The following CCDC122 variants were observed in gnomAD, a reference collection of about 807,000 sequenced individuals.
CCDC122 encodes coiled-coil domain-containing protein 122.
A neutral mutation model predicts 37.0 loss-of-function variants in CCDC122; 38 were observed. That is an observed-to-expected ratio of 1.03 (90% CI 0.79 to 1.35). The LOEUF (loss-of-function observed/expected upper bound fraction) is 1.35. Among genes scored for constraint, CCDC122 ranks in the 40% most tolerant of loss-of-function variants. The probability of loss-of-function intolerance (pLI) is 0.00; values close to 1 mark genes in which losing one functional copy is unlikely to be tolerated. For missense variants in CCDC122, 305 were observed against 310.0 expected (o/e 0.98, Z 0.12); for synonymous variants, 83 against 95.6 (o/e 0.87, Z 0.77).
At chr13:43,833,307 C>A (rs2086286559), downstream of CCDC122, among the ~76,000 whole-genome samples, 2 of 152,054 alleles carry the variant, frequency 1.3e-5, no homozygotes, top group African/African-American at 4.8e-5. Context: ...CCTAGCAGGC[C>A]CGGATCAGGA....
intron 3 of CCDC122, among the ~76,000 whole-genome samples, chr13:43,824,575 G>A (rs992330173): frequency 6.6e-6 from 1 of 152,098 alleles, no homozygotes; most frequent in African/African-American, 2.4e-5. Context: ...TTAAACTAAA[G>A]ACCTTCTGCA....
chr13:43,877,290 G>A (rs1267525563), intron 1 of CCDC122, among the ~76,000 whole-genome samples: 2 of 152,182 alleles, frequency 1.3e-5, no homozygotes, highest in East Asian at 1.9e-4. Flanking sequence ...AAAAGGTCTT[G>A]GATCTTCTCA....
Position 43,860,032 on chromosome 13 carries a change from G to A in CCDC122, c.195C>T (p.Ile65=). The change falls in exon 5 of 7, where the codon ATC becomes ATT. Residue 65 remains isoleucine, a synonymous_variant. Transcript: ENST00000444614. The part of the protein sequence containing the change: ...LHELEKEIAA[I]SAETKETERQ... The stretch of plus-strand genomic sequence containing the variant: ...TTTCTGTTTCTTTAGTTTCTGCAGA[G>A]ATAGCTGCTATTTCTTTTTCAAGCT... The A allele has an allele frequency of 6.5e-7, 1 of 1,547,932 alleles. No individual in the cohort carries two copies. Among genetic ancestry groups the A allele is most frequent in the South Asian group, 1.3e-5 (1 of 79,594 alleles).
chr13:43,822,667 C>T (rs1158275540), downstream of CCDC122, among the ~76,000 whole-genome samples: 1 of 152,174 alleles, frequency 6.6e-6, no homozygotes, highest in Non-Finnish European at 1.5e-5. Flanking sequence ...AAAGCCTTTC[C>T]CACTCTTCTC....
downstream of CCDC122, among the ~76,000 whole-genome samples, chr13:43,835,537 T>C (rs997996023): frequency 6.6e-6 from 1 of 152,188 alleles, no homozygotes; most frequent in African/African-American, 2.4e-5. Context: ...AATAGGTATA[T>C]GTATTAAGGA....
At chr13:43,868,638 G>T in intron 4 of CCDC122, 56 bp downstream of exon 4, 2 of 856,508 alleles carry the variant, frequency 2.3e-6, no homozygotes, top group Non-Finnish European at 3.5e-6. Flanking sequence ...ATAATCTCCT[G>T]GTCATTTACT....
downstream of CCDC122, among the ~76,000 whole-genome samples, chr13:43,836,155 T>G (rs189629794): frequency 5.1e-4 from 78 of 152,370 alleles, no homozygotes; most frequent in Middle Eastern, 3.4e-3. Context: ...TATCTTCCTA[T>G]TTGTTTTTGT....
At chr13:43,826,665 T>C (rs1953044086) in intron 3 of CCDC122, among the ~76,000 whole-genome samples, 1 of 152,148 alleles carries the variant, frequency 6.6e-6, no homozygotes, top group Admixed American at 6.6e-5. Flanking sequence ...ACTAATAGGA[T>C]ATTGTAACTT....
At chr13:43,828,376 A>G (rs1037211455) in intron 3 of CCDC122, among the ~76,000 whole-genome samples, 1 of 152,240 alleles carries the variant, frequency 6.6e-6, no homozygotes, top group East Asian at 1.9e-4. Flanking sequence ...GAGAATATCC[A>G]TGAGAACTTA....
At chr13:43,869,604 A>G (rs772602674) in intron 2 of CCDC122, 115 bp from the exon 3 acceptor site, 6 of 473,660 alleles carry the variant, frequency 1.3e-5, no homozygotes, top group Non-Finnish European at 2.2e-5. Flanking sequence ...GTAGAACTGC[A>G]TTTGTATTTT....
chr13:43,865,309 G>A lies in CCDC122; in HGVS notation c.156+3385C>T, dbSNP rs1485978691. ...GGACTTGTGATTGGCACATGAAGCA[G>A]GGGCAGTCTTATGGGACTGAGCCCT... On this transcript the variant is annotated intron_variant, in intron 4 of 6. Coordinates refer to ENST00000444614, the MANE Select transcript of CCDC122 (RefSeq NM_144974.5). 2.0e-5 allele frequency among the ~76,000 whole-genome samples: 3 copies of A among 152,098 alleles called. No homozygotes were observed. The East Asian group carries it at 5.8e-4, about 29-fold the overall frequency.
At chr13:43,857,449 AGTGT>A (rs60383575) in intron 6 of CCDC122, among the ~76,000 whole-genome samples, 3,734 of 149,672 alleles carry the variant, frequency 0.025, 111 homozygotes, top group South Asian at 0.098. Context: ...AATACTTAGA[AGTGT>A]GTGTGTGTGT....
At position 43,837,277 on chromosome 13, in the gene CCDC122, A is replaced by G. The variant is rs776936933; in HGVS notation, c.*3T>C. The G allele has an allele frequency of 3.9e-5, 63 of 1,613,030 alleles. No individual in the cohort carries two copies. The highest frequency in any genetic ancestry group is 1.6e-4 in the East Asian group (7 of 44,868). On this transcript the variant is annotated 3_prime_UTR_variant, in exon 7 of 7. Coordinates refer to ENST00000444614, the MANE Select transcript of CCDC122 (RefSeq NM_144974.5). ...CTGTGTTCCACATTGCCCTATGGCA[A>G]TGTTACTCTTGCATTCCAATGCATT...
intron 3 of CCDC122, among the ~76,000 whole-genome samples, chr13:43,827,930 G>A (rs1594809662): frequency 6.6e-6 from 1 of 152,140 alleles, no homozygotes; most frequent in Admixed American, 6.5e-5. Context: ...CTAGGCAGAG[G>A]GAATAGTATG....
intron 6 of CCDC122, among the ~76,000 whole-genome samples, chr13:43,843,319 CT>C (rs576198192): frequency 1.3e-3 from 204 of 152,030 alleles, no homozygotes; most frequent in Non-Finnish European, 2.4e-3. Context: ...TTGGTTATAT[CT>C]TTTTTACTTC....
intron 2 of CCDC122, among the ~76,000 whole-genome samples, chr13:43,873,999 G>A (rs1027661360): frequency 2.0e-5 from 3 of 152,102 alleles, no homozygotes; most frequent in Admixed American, 6.5e-5. Context: ...TTCTGATCAC[G>A]TCAACATCAC....
At chr13:43,877,528 G>A (rs1379822672) in intron 1 of CCDC122, among the ~76,000 whole-genome samples, 2 of 152,118 alleles carry the variant, frequency 1.3e-5, no homozygotes, top group Non-Finnish European at 2.9e-5. Context: ...ACATCTATGA[G>A]AGGGCTTCTT....
intron 1 of CCDC122, among the ~76,000 whole-genome samples, chr13:43,875,837 G>A (rs1954593735): frequency 6.6e-6 from 1 of 152,188 alleles, no homozygotes; most frequent in South Asian, 2.1e-4. Flanking sequence ...CCACTCCTCT[G>A]CCTGCCTTCA....
At chr13:43,876,049 C>T (rs1471516515) in intron 1 of CCDC122, among the ~76,000 whole-genome samples, 1 of 152,190 alleles carries the variant, frequency 6.6e-6, no homozygotes, top group African/African-American at 2.4e-5. Flanking sequence ...AGTCACTTAG[C>T]CCCTAGGCAA....
Sources: gnomAD v4.1 joint callset for allele counts (sites outside exome capture counted in the v4.1 genomes callset) on GRCh38, gnomAD v4.1.1 for gene constraint, MANE v1.5 for transcripts, NCBI Gene and HGNC (gene_info 2026-07-23, HGNC 2026-07-21) for gene names.